Variants in RABGAP1L observed in about 807,000 individuals in gnomAD.
The protein encoded by RABGAP1L is rab GTPase-activating protein 1-like.
A neutral mutation model predicts 137.7 loss-of-function variants in RABGAP1L; 63 were observed. The ratio of observed to expected loss-of-function variants is 0.46; its 90% CI spans 0.37 to 0.56. The LOEUF is 0.56. Among genes scored for constraint, RABGAP1L ranks in the 20% least tolerant of loss-of-function variants. The pLI is 0.00. For synonymous variants in RABGAP1L, 431 were observed against 433.7 expected (o/e 0.99, Z 0.08); for missense variants, 1,095 against 1,244.0 (o/e 0.88, Z 1.80).
intron 11 of RABGAP1L, among the ~76,000 whole-genome samples, chr1:174,352,154 ATC>A (rs367744091): frequency 1.5e-4 from 22 of 150,060 alleles, no homozygotes; most frequent in Non-Finnish European, 1.6e-4. Flanking sequence ...TCTGCAACTG[ATC>A]TCTCTCTCTC....
chr1:174,267,410 G>T (rs997347681), intron 7 of RABGAP1L, among the ~76,000 whole-genome samples: 5 of 152,142 alleles, frequency 3.3e-5, no homozygotes, highest in Non-Finnish European at 4.4e-5. Flanking sequence ...TTGCTATTCA[G>T]TGGACTCTAG....
intron 24 of RABGAP1L, 23 bp from the exon 25 acceptor site, chr1:174,988,618 G>A (rs1210162073): frequency 2.0e-6 from 3 of 1,476,890 alleles, no homozygotes; most frequent in Non-Finnish European, 2.7e-6. Context: ...TTTGATGTTG[G>A]TTATCTCTTT....
chr1:174,590,158 C>A, intron 13 of RABGAP1L, among the ~76,000 whole-genome samples: 1 of 52,290 alleles, frequency 1.9e-5, no homozygotes, highest in East Asian at 3.8e-4. Context: ...TTTTGTGAGC[C>A]AAATAAACTT....
chr1:174,762,199 A>G (rs1372858819), intron 18 of RABGAP1L, among the ~76,000 whole-genome samples: 1 of 152,176 alleles, frequency 6.6e-6, no homozygotes, highest in African/African-American at 2.4e-5. Flanking sequence ...CATTGCTCTT[A>G]GGATAAAGTT....
Position 174,596,970 on chromosome 1 carries a change from A to G in RABGAP1L, c.1711-40405A>G, listed in dbSNP as rs1669988412. ...GAATGGTTTTTTTGTATCAATTGAA[A>G]TGATCATATGGTCTACGTCCTTCAT... On this transcript the variant is annotated intron_variant, in intron 13 of 25. Transcript: ENST00000681986. Among the ~76,000 whole-genome samples, 3 of 152,192 alleles carry G rather than the reference A, an allele frequency of 2.0e-5. No individual in the cohort carries two copies. In the South Asian group the frequency reaches 6.2e-4, roughly 31 times the overall value.
chr1:174,250,741 A>G (rs748860249), intron 6 of RABGAP1L, 109 bp downstream of exon 6: 5 of 933,150 alleles, frequency 5.4e-6, no homozygotes, highest in Non-Finnish European at 7.8e-6. Context: ...TCAAACTGAT[A>G]AATATTTGGC....
chr1:174,560,231 T>C (rs1342583008), intron 13 of RABGAP1L, among the ~76,000 whole-genome samples: 1 of 152,232 alleles, frequency 6.6e-6, no homozygotes, highest in East Asian at 1.9e-4. Context: ...GACTTTTTTT[T>C]CTACCACGTT....
intron 19 of RABGAP1L, among the ~76,000 whole-genome samples, chr1:174,842,513 C>G (rs2187562): frequency 0.42 from 63,955 of 152,048 alleles, 15,766 homozygotes; most frequent in Non-Finnish European, 0.54. Flanking sequence ...CCTTTGTAGT[C>G]CTTTACTGTT....
rs576402946 is a variant in RABGAP1L, at chr1:174,632,259, A to T, written c.1711-5116A>T. 2.1e-5 allele frequency among the ~76,000 whole-genome samples: 3 copies of T among 145,914 alleles called. No homozygotes were observed. In the East Asian group the frequency reaches 5.9e-4, roughly 29 times the overall value. ...TGGCTTGTAGGGTTTCTGCCGAGAG[A>T]TCCGCTGTTAGTCTGATGGGCTTCC... On this transcript the variant is annotated intron_variant, in intron 13 of 25. Transcript: ENST00000681986.
At chr1:174,637,351 A>T (rs112049159) in intron 13 of RABGAP1L, 24 bp from the exon 14 acceptor site, 11 of 1,494,016 alleles carry the variant, frequency 7.4e-6, no homozygotes, top group African/African-American at 1.4e-5. Flanking sequence ...TTTAATAACC[A>T]GGTCTATTTT....
intron 15 of RABGAP1L, among the ~76,000 whole-genome samples, chr1:174,689,719 T>A (rs1678740262): frequency 6.6e-6 from 1 of 152,162 alleles, no homozygotes. Context: ...CTCCCTCTGT[T>A]TTTCTTCCTG....
At chr1:174,403,264 C>T (rs1248272150) in intron 13 of RABGAP1L, among the ~76,000 whole-genome samples, 1 of 132,056 alleles carries the variant, frequency 7.6e-6, no homozygotes. Flanking sequence ...TATGTGTATA[C>T]CATTTCTTTT....
chr1:174,449,298 G>A, intron 13 of RABGAP1L: 1 of 1,012,212 alleles, frequency 9.9e-7, no homozygotes, highest in Non-Finnish European at 1.5e-6. Flanking sequence ...TACTTGAATA[G>A]TTGACTGTAA....
At chr1:174,491,520 A>G (rs575887791) in intron 13 of RABGAP1L, among the ~76,000 whole-genome samples, 2 of 151,958 alleles carry the variant, frequency 1.3e-5, no homozygotes, top group South Asian at 4.2e-4. Context: ...TGGAGCCACA[A>G]GGGGTCTCTT....
chr1:174,196,881 A>AT (rs1282364334), intron 1 of RABGAP1L, among the ~76,000 whole-genome samples: 1 of 152,084 alleles, frequency 6.6e-6, no homozygotes, highest in African/African-American at 2.4e-5. Context: ...TCTTCTGCTC[A>AT]TTTTTATAAG....
At chr1:174,635,053 A>T (rs893716459) in intron 13 of RABGAP1L, among the ~76,000 whole-genome samples, 13 of 151,226 alleles carry the variant, frequency 8.6e-5, no homozygotes, top group Non-Finnish European at 1.6e-4. Context: ...AATAATAATA[A>T]AATAAAAAAA....
At chr1:174,859,123 C>T (rs1271053913) in intron 19 of RABGAP1L, among the ~76,000 whole-genome samples, 1 of 152,120 alleles carries the variant, frequency 6.6e-6, no homozygotes, top group Non-Finnish European at 1.5e-5. Flanking sequence ...ATATTCATTG[C>T]AACACTATTC....
chr1:174,821,944 T>C (rs1691066121), intron 19 of RABGAP1L, among the ~76,000 whole-genome samples: 1 of 152,210 alleles, frequency 6.6e-6, no homozygotes, highest in African/African-American at 2.4e-5. Flanking sequence ...TATCATGTTA[T>C]AGGATACAGA....
chr1:174,941,516 C>G (rs1665868364), intron 19 of RABGAP1L, among the ~76,000 whole-genome samples: 1 of 152,198 alleles, frequency 6.6e-6, no homozygotes, highest in Non-Finnish European at 1.5e-5. Flanking sequence ...GCCAGGTAGC[C>G]TAATGCCTGC....
Sources: allele counts gnomAD v4.1 joint callset (sites outside exome capture counted in the v4.1 genomes callset), GRCh38; gene constraint gnomAD v4.1.1; transcripts MANE v1.5; gene names NCBI Gene and HGNC (gene_info 2026-07-23, HGNC 2026-07-21).